HYDIN: variants seen among roughly 807,000 people sequenced by gnomAD.
The protein encoded by HYDIN is HYDIN axonemal central pair apparatus protein.
HYDIN carries 132 observed loss-of-function variants against 403.9 expected under a neutral mutation model. The observed-to-expected ratio is 0.33, with a 90% confidence interval of 0.28 to 0.38. The LOEUF (loss-of-function observed/expected upper bound fraction) is 0.38, where lower values mean the gene tolerates loss of function less well. Among genes scored for constraint, HYDIN ranks in the 10% least tolerant of loss-of-function variants. The probability of loss-of-function intolerance (pLI) is 1.00; values close to 1 mark genes in which losing one functional copy is unlikely to be tolerated. For missense variants in HYDIN, 2,827 were observed against 5,009.5 expected, an observed-to-expected ratio of 0.56 and a Z score of 13.15; for synonymous variants, 1,202 against 1,891.7, an observed-to-expected ratio of 0.64 and a Z score of 9.46.
intron 19 of HYDIN, among the ~76,000 whole-genome samples, chr16:71,030,390 T>C (rs1324140928): frequency 6.6e-6 from 1 of 151,566 alleles, no homozygotes; most frequent in African/African-American, 2.4e-5. Context: ...TACATATATA[T>C]GTGTGTGTGT....
rs372606285 is a variant in HYDIN, at chr16:70,938,752, C to A, written c.6857G>T (p.Arg2286Leu). The change falls in exon 44 of 86, where the codon CGC (arginine) becomes CTC (leucine). Residue 2286 changes from arginine to leucine, a missense_variant. Coordinates refer to ENST00000393567, the MANE Select transcript of HYDIN (RefSeq NM_001270974.2). The stretch of plus-strand genomic sequence containing the variant: ...TTTCTCAAGAGCTCCCTTGTGCTTG[C>A]GTTCTGTGAGGGGAACAGAGACGGG... Reference protein sequence around the residue: ...QEKAKKEQEERKHKGALEKEK... With the variant: ...QEKAKKEQEELKHKGALEKEK... The A allele has an allele frequency of 2.5e-6, 4 of 1,613,900 alleles. No homozygotes were observed. The highest frequency in any genetic ancestry group is 3.4e-6 in the Non-Finnish European group (4 of 1,180,006).
chr16:71,141,205 A>G (rs1257826742), intron 7 of HYDIN, among the ~76,000 whole-genome samples: 11 of 150,766 alleles, frequency 7.3e-5, no homozygotes, highest in African/African-American at 2.4e-4. Flanking sequence ...AGTATATTAT[A>G]AAGGCAGTAT....
In HYDIN at chr16:70,833,127, A is replaced by G; in HGVS notation, c.13680-60T>C. ...TATGGATGTTGTAAGGGTGTCCTCA[A>G]TGCTACTGAGAACAAGAGACTGCCT... On this transcript the variant is annotated intron_variant, in intron 79 of 85. Coordinates refer to ENST00000393567, the MANE Select transcript of HYDIN (RefSeq NM_001270974.2). 3 of 1,459,502 alleles carry G rather than the reference A, an allele frequency of 2.1e-6. No individual in the cohort carries two copies. In the South Asian group the frequency reaches 4.0e-5, roughly 19 times the overall value. 90.4% of individuals were successfully genotyped at this position (1,459,502 alleles called of 1,614,324 possible).
intron 52 of HYDIN, among the ~76,000 whole-genome samples, chr16:70,902,736 T>C (rs1243482783): frequency 6.8e-6 from 1 of 147,040 alleles, no homozygotes; most frequent in Non-Finnish European, 1.5e-5. Flanking sequence ...GCTAAGCTTC[T>C]TGGAACTATA....
intron 83 of HYDIN, among the ~76,000 whole-genome samples, chr16:70,820,115 T>C (rs2036142148): frequency 6.8e-6 from 1 of 148,066 alleles, no homozygotes; most frequent in Admixed American, 6.7e-5. Flanking sequence ...CCACCGCGCC[T>C]GGCCTTCACT....
chr16:70,894,412 G>A, intron 55 of HYDIN, 37 bp downstream of exon 55: 1 of 1,611,310 alleles, frequency 6.2e-7, no homozygotes. Flanking sequence ...CCCCACGGCG[G>A]ACTTGATGGC....
chr16:71,150,310 AC>A (rs1432333701), intron 7 of HYDIN, among the ~76,000 whole-genome samples: 1 of 146,652 alleles, frequency 6.8e-6, no homozygotes, highest in Non-Finnish European at 1.5e-5. Context: ...AGCAGGTGAG[AC>A]TTCACTGAAG....
chr16:71,073,547 C>A (rs2082534805), intron 13 of HYDIN, among the ~76,000 whole-genome samples: 1 of 152,174 alleles, frequency 6.6e-6, no homozygotes, highest in Non-Finnish European at 1.5e-5. Context: ...TTTATTTGAA[C>A]AACTCTGTCC....
At chr16:70,971,198 G>C (rs1465314107) in intron 35 of HYDIN, among the ~76,000 whole-genome samples, 2 of 152,216 alleles carry the variant, frequency 1.3e-5, no homozygotes, top group Non-Finnish European at 2.9e-5. Flanking sequence ...TCTGGAATTA[G>C]TTATTAAGCA....
At position 71,175,744 on chromosome 16, in the gene HYDIN, G is replaced by A. The variant is rs1434834609; in HGVS notation, c.382-3C>T. 2 of 1,613,924 alleles carry A rather than the reference G, an allele frequency of 1.2e-6. No individual in the cohort carries two copies. Among genetic ancestry groups the A allele is most frequent in the South Asian group, 2.2e-5 (2 of 91,088 alleles). The stretch of plus-strand genomic sequence containing the variant: ...ACAACTTTCACCAACCTTGGAATCT[G>A]CAGGGAAACACATGATGATGAACAT... On this transcript the variant is annotated splice_region_variant and splice_polypyrimidine_tract_variant and intron_variant, in intron 4 of 85. Transcript: ENST00000393567.
At chr16:70,902,821 A>ATATTTTTTT in intron 52 of HYDIN, among the ~76,000 whole-genome samples, 11 of 47,296 alleles carry the variant, frequency 2.3e-4, no homozygotes, top group African/African-American at 9.4e-4. Flanking sequence ...ATATATATAT[A>ATATTTTTTT]TTTTTTTTTT....
At chr16:70,842,991 G>A (rs4028097) in intron 75 of HYDIN, among the ~76,000 whole-genome samples, 2 of 151,372 alleles carry the variant, frequency 1.3e-5, no homozygotes, top group African/African-American at 4.8e-5. Context: ...AGTTTGAGTT[G>A]ATAACAACTT....
chr16:71,199,146 G>T (rs1431525333), intron 1 of HYDIN, among the ~76,000 whole-genome samples: 1 of 152,164 alleles, frequency 6.6e-6, no homozygotes, highest in Non-Finnish European at 1.5e-5. Flanking sequence ...AAAGCCTTGT[G>T]AAGTGTTCAA....
intron 9 of HYDIN, among the ~76,000 whole-genome samples, chr16:71,116,762 G>C (rs1395512090): frequency 2.6e-5 from 4 of 151,228 alleles, no homozygotes; most frequent in Non-Finnish European, 4.4e-5. Context: ...AACTTATGAG[G>C]TGGTACAAGT....
At chr16:70,820,193 T>TC (rs2036155918) in intron 83 of HYDIN, among the ~76,000 whole-genome samples, 2 of 127,608 alleles carry the variant, frequency 1.6e-5, no homozygotes, top group Non-Finnish European at 3.4e-5. Flanking sequence ...TTTTCTTTTT[T>TC]TTTTTTTTTT....
At chr16:70,887,527 T>A (rs926140015) in intron 58 of HYDIN, among the ~76,000 whole-genome samples, 2 of 152,004 alleles carry the variant, frequency 1.3e-5, no homozygotes, top group Non-Finnish European at 2.9e-5. Flanking sequence ...AATACAGCCC[T>A]TCCAACACCT....
intron 1 of HYDIN, among the ~76,000 whole-genome samples, chr16:71,226,103 T>C (rs924874351): frequency 7.9e-5 from 12 of 152,198 alleles, no homozygotes; most frequent in Admixed American, 2.0e-4. Flanking sequence ...ATGTTGCCAA[T>C]TCAATTTTGA....
intron 42 of HYDIN, among the ~76,000 whole-genome samples, chr16:70,942,886 T>G (rs1167604439): frequency 1.3e-5 from 2 of 152,222 alleles, no homozygotes; most frequent in African/African-American, 4.8e-5. Context: ...CAGCCTTTAC[T>G]CTGGGTATCT....
intron 23 of HYDIN, among the ~76,000 whole-genome samples, chr16:70,997,321 G>C (rs577499420): frequency 7.0e-6 from 1 of 142,236 alleles, no homozygotes; most frequent in Admixed American, 7.2e-5. Flanking sequence ...AACCCCTGCT[G>C]TAAAGGAAAT....
Sources: allele counts gnomAD v4.1 joint callset (sites outside exome capture counted in the v4.1 genomes callset), GRCh38; gene constraint gnomAD v4.1.1; transcripts MANE v1.5; gene names NCBI Gene and HGNC (gene_info 2026-07-23, HGNC 2026-07-21).